Variants in DNER observed in about 807,000 individuals in gnomAD.
DNER encodes delta/notch like EGF repeat containing, also known as delta and Notch-like epidermal growth factor-related receptor.
DNER carries 33 observed loss-of-function variants against 78.2 expected under a neutral mutation model. That is an observed-to-expected ratio of 0.42 (90% confidence interval 0.32 to 0.56). The LOEUF is 0.56. Among genes scored for constraint, DNER ranks in the 20% least tolerant of loss-of-function variants. DNER has a pLI of 0.11. For synonymous variants in DNER, 417 were observed against 384.8 expected, an observed-to-expected ratio of 1.08 and a Z score of -0.98; for missense variants, 918 against 975.3, an observed-to-expected ratio of 0.94 and a Z score of 0.78.
At chr2:229,575,470 A>G (rs1483652193) in intron 4 of DNER, among the ~76,000 whole-genome samples, 2 of 152,196 alleles carry the variant, frequency 1.3e-5, no homozygotes, top group Non-Finnish European at 2.9e-5. Context: ...TAGAATTTGC[A>G]TAACTTTTAG....
intron 11 of DNER, among the ~76,000 whole-genome samples, chr2:229,377,480 T>C (rs1200137610): frequency 6.6e-6 from 1 of 152,228 alleles, no homozygotes. Context: ...GAAAAAATTA[T>C]AATCAGTCCC....
chr2:229,375,882 C>T (rs1477275736), intron 11 of DNER, among the ~76,000 whole-genome samples: 1 of 152,132 alleles, frequency 6.6e-6, no homozygotes, highest in Non-Finnish European at 1.5e-5. Flanking sequence ...TCATAATCCC[C>T]ACATGTCAAG....
At chr2:229,481,527 C>T (rs6755545) in intron 6 of DNER, among the ~76,000 whole-genome samples, 1 of 112,668 alleles carries the variant, frequency 8.9e-6, no homozygotes, top group African/African-American at 3.3e-5. Flanking sequence ...ACATGTAATA[C>T]TCTGAACTGG....
intron 7 of DNER, among the ~76,000 whole-genome samples, chr2:229,450,186 CTT>C (rs1245912610): frequency 6.6e-6 from 1 of 152,164 alleles, no homozygotes; most frequent in East Asian, 1.9e-4. Flanking sequence ...TCTGTCAACT[CTT>C]TTAGTTGAGA....
chr2:229,369,159 T>C (rs1692419320), intron 11 of DNER, among the ~76,000 whole-genome samples: 1 of 152,096 alleles, frequency 6.6e-6, no homozygotes, highest in Non-Finnish European at 1.5e-5. Context: ...TTAGGAAACA[T>C]GTTTTTAAAA....
intron 11 of DNER, among the ~76,000 whole-genome samples, chr2:229,384,268 G>C (rs1692811702): frequency 6.6e-6 from 1 of 152,204 alleles, no homozygotes; most frequent in Non-Finnish European, 1.5e-5. Context: ...GCAGTGTTTA[G>C]AGGGAAATTT....
chr2:229,671,456 A>G (rs1417853887), intron 1 of DNER, among the ~76,000 whole-genome samples: 1 of 152,054 alleles, frequency 6.6e-6, no homozygotes, highest in Non-Finnish European at 1.5e-5. Context: ...ACTTCCTTTA[A>G]TTGTCCGCAC....
intron 10 of DNER, among the ~76,000 whole-genome samples, chr2:229,401,365 AC>A (rs1247900033): frequency 6.6e-6 from 1 of 152,102 alleles, no homozygotes; most frequent in African/African-American, 2.4e-5. Flanking sequence ...TCACACATAA[AC>A]CTATATATGA....
intron 7 of DNER, among the ~76,000 whole-genome samples, chr2:229,455,826 A>G (rs1694560775): frequency 6.6e-6 from 1 of 152,116 alleles, no homozygotes; most frequent in African/African-American, 2.4e-5. Flanking sequence ...TCTCACATCA[A>G]TCCTATGAGA....
chr2:229,696,308 G>A (rs1699661404), intron 1 of DNER, among the ~76,000 whole-genome samples: 1 of 152,232 alleles, frequency 6.6e-6, no homozygotes, highest in South Asian at 2.1e-4. Flanking sequence ...AACCCACGAT[G>A]ATTGACGGGG....
At chr2:229,431,029 TA>T (rs2106355039) in intron 8 of DNER, among the ~76,000 whole-genome samples, 1 of 152,256 alleles carries the variant, frequency 6.6e-6, no homozygotes, top group Non-Finnish European at 1.5e-5. Context: ...AATTGTTTTT[TA>T]AAAGAAGAAT....
intron 6 of DNER, among the ~76,000 whole-genome samples, chr2:229,495,574 C>T (rs1424561147): frequency 6.6e-6 from 1 of 152,184 alleles, no homozygotes; most frequent in East Asian, 1.9e-4. Flanking sequence ...GAGGAATTCC[C>T]TCTTACTCAG....
chr2:229,424,928 G>T (rs1693841759), intron 8 of DNER, among the ~76,000 whole-genome samples: 1 of 152,068 alleles, frequency 6.6e-6, no homozygotes, highest in Non-Finnish European at 1.5e-5. Flanking sequence ...GATTAAAAAT[G>T]TCCCCATTGT....
At chr2:229,517,122 A>G (rs1005208544) in intron 5 of DNER, among the ~76,000 whole-genome samples, 1 of 151,506 alleles carries the variant, frequency 6.6e-6, no homozygotes, top group Non-Finnish European at 1.5e-5. Flanking sequence ...AAAAAAAAAA[A>G]AAAAAGAAAA....
At chr2:229,410,253 T>C (rs555400554) in intron 9 of DNER, among the ~76,000 whole-genome samples, 1 of 152,332 alleles carries the variant, frequency 6.6e-6, no homozygotes, top group East Asian at 1.9e-4. Flanking sequence ...GCCGGGACTG[T>C]CATTGTCACG....
At chr2:229,388,892 A>G (rs2106336386) in intron 10 of DNER, among the ~76,000 whole-genome samples, 1 of 152,122 alleles carries the variant, frequency 6.6e-6, no homozygotes, top group South Asian at 2.1e-4. Context: ...TCTGTAGCCA[A>G]GTATTTGAGT....
intron 1 of DNER, among the ~76,000 whole-genome samples, chr2:229,710,052 A>G (rs2154217877): frequency 6.6e-6 from 1 of 152,266 alleles, no homozygotes; most frequent in South Asian, 2.1e-4. Flanking sequence ...CATTTTTTTT[A>G]TGTAGTGTCC....
chr2:229,472,721 G>T (rs1240475942), intron 7 of DNER, among the ~76,000 whole-genome samples: 1 of 152,142 alleles, frequency 6.6e-6, no homozygotes, highest in African/African-American at 2.4e-5. Flanking sequence ...CTTTGTCTTT[G>T]CTGTTATCAT....
intron 1 of DNER, among the ~76,000 whole-genome samples, chr2:229,677,655 A>T (rs1699319190): frequency 6.6e-6 from 1 of 152,218 alleles, no homozygotes; most frequent in East Asian, 1.9e-4. Context: ...ATTGGTTGTA[A>T]TATTCAAAGA....
Sources: gnomAD v4.1 joint callset for allele counts (sites outside exome capture counted in the v4.1 genomes callset) on GRCh38, gnomAD v4.1.1 for gene constraint, MANE v1.5 for transcripts, NCBI Gene and HGNC (gene_info 2026-07-23, HGNC 2026-07-21) for gene names.